CORO2B: variants seen among roughly 807,000 people sequenced by gnomAD.
CORO2B encodes the protein coronin 2B.
In CORO2B, 26 loss-of-function variants were observed where a neutral mutation model predicts 58.8. The observed-to-expected ratio is 0.44, with a 90% CI of 0.32 to 0.61. The LOEUF (loss-of-function observed/expected upper bound fraction) is 0.61, where lower values mean the gene tolerates loss of function less well. Ranked by LOEUF, CORO2B falls within the 20% of genes least tolerant of loss-of-function variation. The pLI is 0.04. For missense variants in CORO2B, 460 were observed against 645.1 expected (o/e 0.71, Z 3.11); for synonymous variants, 242 against 253.8 (o/e 0.95, Z 0.44).
At chr15:68,670,069 G>C (rs9972587) in intron 2 of CORO2B, among the ~76,000 whole-genome samples, 1 of 117,934 alleles carries the variant, frequency 8.5e-6, no homozygotes, top group Non-Finnish European at 1.9e-5. Context: ...AAAAAAAAAA[G>C]GGGGGGAAAA....
At chr15:68,613,267 A>G (rs1690950840) in intron 1 of CORO2B, among the ~76,000 whole-genome samples, 1 of 152,254 alleles carries the variant, frequency 6.6e-6, no homozygotes, top group African/African-American at 2.4e-5. Flanking sequence ...ATAGAAGAAC[A>G]GAATCCAGAA....
intron 1 of CORO2B, 98 bp downstream of exon 1, chr15:68,579,375 C>T: frequency 4.4e-6 from 5 of 1,128,452 alleles, no homozygotes; most frequent in Non-Finnish European, 4.4e-6. Flanking sequence ...GGGGAGGGGG[C>T]GCCGGTGCCG....
chr15:68,628,519 A>T (rs1364261313), intron 1 of CORO2B, among the ~76,000 whole-genome samples: 1 of 152,222 alleles, frequency 6.6e-6, no homozygotes, highest in Non-Finnish European at 1.5e-5. Flanking sequence ...ATATCTCTTT[A>T]TCCATTTTGT....
At chr15:68,667,422 C>T (rs1242993552) in intron 2 of CORO2B, among the ~76,000 whole-genome samples, 2 of 152,212 alleles carry the variant, frequency 1.3e-5, no homozygotes, top group East Asian at 1.9e-4. Context: ...TGCTTCTAGG[C>T]GATGGGCTCC....
intron 2 of CORO2B, among the ~76,000 whole-genome samples, chr15:68,691,039 C>G (rs536177360): frequency 6.6e-6 from 1 of 151,082 alleles, no homozygotes; most frequent in Non-Finnish European, 1.5e-5. Flanking sequence ...CTATAGAAAA[C>G]TGGTTTTCGG....
At chr15:68,531,934 TA>T in the CORO2B span, among the ~76,000 whole-genome samples, 2 of 152,104 alleles carry the variant, frequency 1.3e-5, no homozygotes, top group Admixed American at 6.6e-5. Flanking sequence ...TTACTGAATA[TA>T]GAATTCTAGG....
chr15:68,683,325 T>C (rs1478783305), intron 2 of CORO2B, among the ~76,000 whole-genome samples: 2 of 152,204 alleles, frequency 1.3e-5, no homozygotes, highest in Admixed American at 1.3e-4. Context: ...GCTGACTCTC[T>C]TGTTGGTCCA....
intron 7 of CORO2B, among the ~76,000 whole-genome samples, chr15:68,714,865 G>A (rs1375710210): frequency 6.6e-6 from 1 of 152,214 alleles, no homozygotes; most frequent in Non-Finnish European, 1.5e-5. Context: ...CTTCAAAGGT[G>A]AGCTGGAGCG....
chr15:68,697,159 T>C (rs1892532535), intron 3 of CORO2B, among the ~76,000 whole-genome samples: 1 of 151,398 alleles, frequency 6.6e-6, no homozygotes, highest in African/African-American at 2.4e-5. Flanking sequence ...GATGGATGGA[T>C]TGTTGGATGG....
At chr15:68,601,510 G>T (rs575929679) in intron 1 of CORO2B, among the ~76,000 whole-genome samples, 2 of 152,344 alleles carry the variant, frequency 1.3e-5, no homozygotes, top group African/African-American at 4.8e-5. Flanking sequence ...TGAGCGTGCA[G>T]TGCGAGGAGG....
chr15:68,529,275 AT>A, the CORO2B span, among the ~76,000 whole-genome samples: 1 of 152,164 alleles, frequency 6.6e-6, no homozygotes, highest in Non-Finnish European at 1.5e-5. Context: ...TTTGCTCTCT[AT>A]ATCCTTATCA....
At chr15:68,691,686 G>A (rs1464268971) in intron 2 of CORO2B, among the ~76,000 whole-genome samples, 1 of 150,152 alleles carries the variant, frequency 6.7e-6, no homozygotes, top group African/African-American at 2.5e-5. Flanking sequence ...TTTAAGCAAT[G>A]GAGCTCATCA....
chr15:68,523,383 A>T, the CORO2B span, among the ~76,000 whole-genome samples: 1 of 151,866 alleles, frequency 6.6e-6, no homozygotes, highest in Non-Finnish European at 1.5e-5. Flanking sequence ...TTTTGTAGAG[A>T]TGGGGGTCTC....
the CORO2B span, among the ~76,000 whole-genome samples, chr15:68,529,465 C>G: frequency 6.6e-6 from 1 of 152,090 alleles, no homozygotes; most frequent in South Asian, 2.1e-4. Context: ...TTAAGTTGTA[C>G]CCTTTATCAA....
At chr15:68,718,112 A>G (rs551438583) in intron 8 of CORO2B, among the ~76,000 whole-genome samples, 4 of 152,348 alleles carry the variant, frequency 2.6e-5, no homozygotes, top group Non-Finnish European at 5.9e-5. Context: ...ATAGACGTTC[A>G]GCAGAGGCAG....
chr15:68,709,015 A>G (rs1892849186), intron 3 of CORO2B, among the ~76,000 whole-genome samples: 1 of 152,230 alleles, frequency 6.6e-6, no homozygotes, highest in Admixed American at 6.5e-5. Flanking sequence ...GCATTTATTC[A>G]TAGCCTTTGG....
chr15:68,602,889 C>T (rs1243722360), intron 1 of CORO2B, among the ~76,000 whole-genome samples: 1 of 152,200 alleles, frequency 6.6e-6, no homozygotes, highest in Non-Finnish European at 1.5e-5. Context: ...CTTGCAAGCA[C>T]ACGTGTTTCC....
chr15:68,648,772 A>G (rs1303380498), intron 2 of CORO2B, among the ~76,000 whole-genome samples: 3 of 152,248 alleles, frequency 2.0e-5, no homozygotes, highest in Non-Finnish European at 4.4e-5. Context: ...TAAAAGAGTA[A>G]TAATCATCAG....
chr15:68,601,155 G>A (rs976579428), intron 1 of CORO2B, among the ~76,000 whole-genome samples: 2 of 152,156 alleles, frequency 1.3e-5, no homozygotes, highest in Non-Finnish European at 2.9e-5. Flanking sequence ...CCAGAAAGCC[G>A]CATTCTCTCC....
Sources: allele counts gnomAD v4.1 joint callset (sites outside exome capture counted in the v4.1 genomes callset), GRCh38; gene constraint gnomAD v4.1.1; transcripts MANE v1.5; gene names NCBI Gene and HGNC (gene_info 2026-07-23, HGNC 2026-07-21).